ACAP3: variants seen among roughly 807,000 people sequenced by gnomAD.
ACAP3 encodes the protein ArfGAP with coiled-coil, ankyrin repeat and PH domains 3.
A neutral mutation model predicts 104.1 loss-of-function variants in ACAP3; 56 were observed. The ratio of observed to expected loss-of-function variants is 0.54; its 90% CI spans 0.43 to 0.67. The LOEUF (loss-of-function observed/expected upper bound fraction) is 0.67. ACAP3 is among the 30% of genes least tolerant of loss of function. The pLI, the probability that ACAP3 is intolerant of heterozygous loss-of-function variation, is 0.00. For missense variants in ACAP3, 1,208 were observed against 1,174.9 expected (o/e 1.03, Z -0.41); for synonymous variants, 628 against 496.2 (o/e 1.27, Z -3.53).
In ACAP3 at chr1:1,296,482, C is replaced by CG; in HGVS notation, c.1279dup (p.Arg427ProfsTer14). On this transcript the variant is annotated frameshift_variant, in exon 15 of 24. Transcript: ENST00000354700. LOFTEE classifies it high-confidence loss of function. ...CACGCCCAGGTTGATGCTGGCCCAG[C>CG]GGGGGTCCGGCTGGCCGCAGTCGCC... is the stretch of plus-strand genomic sequence containing the variant. 6.5e-7 allele frequency: 1 copy of CG among 1,544,326 alleles called. No individual in the cohort carries two copies. The highest frequency in any genetic ancestry group is 8.7e-7 in the Non-Finnish European group (1 of 1,147,074).
Position 1,294,398 on chromosome 1 carries a change from T to C in ACAP3, c.2139+4A>G. 1 of 1,571,846 alleles carries C rather than the reference T, an allele frequency of 6.4e-7. No individual in the cohort carries two copies. The highest frequency in any genetic ancestry group is 1.8e-5 in the Admixed American group (1 of 56,304). On this transcript the variant is annotated splice_donor_region_variant and intron_variant, in intron 21 of 23. Transcript: ENST00000354700. ...CCTGCGCGCAGCCCCCGTGGCTCGCTCACCCCTAGCACGGCCTGCACCAGC... is the reference window on the plus strand; with the variant it reads ...CCTGCGCGCAGCCCCCGTGGCTCGCCCACCCCTAGCACGGCCTGCACCAGC...
At chr1:1,293,798 G>GC in intron 23 of ACAP3, 25 bp downstream of exon 23, 1 of 358,274 alleles carries the variant, frequency 2.8e-6, no homozygotes, top group East Asian at 9.8e-5. Context: ...GCCCCGCCCA[G>GC]CCCCGAGGGC....
chr1:1,296,132 G>C (rs764453255), intron 16 of ACAP3, 23 bp from the exon 17 acceptor site: 10 of 1,612,168 alleles, frequency 6.2e-6, no homozygotes, highest in African/African-American at 1.3e-5. Flanking sequence ...AGGGCGAGCA[G>C]GCATCAGTGC....
intron 10 of ACAP3, chr1:1,299,069 T>C (rs1207602611): frequency 1.7e-5 from 10 of 571,898 alleles, no homozygotes; most frequent in Admixed American, 1.4e-4. Context: ...GAGGGCCCTG[T>C]GTGTCCCGCC....
intron 10 of ACAP3, 138 bp downstream of exon 10, chr1:1,299,207 A>G: frequency 8.6e-7 from 1 of 1,166,170 alleles, no homozygotes; most frequent in Non-Finnish European, 1.2e-6. Flanking sequence ...AGCCCCTCAC[A>G]GCCGCATCAG....
intron 1 of ACAP3, 110 bp downstream of exon 1, chr1:1,307,659 C>G: frequency 1.0e-6 from 1 of 1,000,752 alleles, no homozygotes; most frequent in Non-Finnish European, 1.2e-6. Flanking sequence ...CAGCCCCTCC[C>G]CGGCGGCCGC....
rs1042801575 is a variant in ACAP3 at position 1,307,072 on chromosome 1, T to G, written c.47+697A>C. 6.0e-6 allele frequency: 5 copies of G among 839,806 alleles called. No individual in the cohort carries two copies. In the Admixed American group the frequency reaches 7.0e-5, roughly 12 times the overall value. 52.0% of individuals were successfully genotyped at this position (839,806 alleles called of 1,614,324 possible). The stretch of plus-strand genomic sequence containing the variant: ...GAGGGGGCCTCACGCAGGTGCGCAC[T>G]TGGGGATGCAGAGAGGTTTCTTTGC... On this transcript the variant is annotated intron_variant, in intron 1 of 23. Transcript: ENST00000354700.
At chr1:1,299,085 G>A (rs1641327330) in intron 10 of ACAP3, 6 of 575,660 alleles carry the variant, frequency 1.0e-5, no homozygotes, top group Non-Finnish European at 1.9e-5. Context: ...CCGCCATCTG[G>A]CAGGCCAGGG....
chr1:1,303,913 CAT>C lies in ACAP3; in HGVS notation c.105+171_105+172del. On this transcript the variant is annotated intron_variant, in intron 2 of 23. Transcript: ENST00000354700. The surrounding 1 kb of genome is among the most constrained non-coding windows in gnomAD (Gnocchi z 4.0). ...GGGCCAGCCACATGTGTGCATGTGA[CAT>C]GTGCACCCTGGAACACACATGCTAA... 3.9e-6 allele frequency: 3 copies of C among 771,782 alleles called. No homozygotes were observed. Among genetic ancestry groups the C allele is most frequent in the Admixed American group, 2.5e-5 (1 of 40,762 alleles). 47.8% of individuals were successfully genotyped at this position (771,782 alleles called of 1,614,324 possible).
intron 5 of ACAP3, 68 bp downstream of exon 5, chr1:1,301,920 A>C (rs1253370158): frequency 7.0e-7 from 1 of 1,428,556 alleles, no homozygotes; most frequent in Admixed American, 2.4e-5. Flanking sequence ...TCTGCCCCAG[A>C]CCCCCTTCCC....
At position 1,303,198 on chromosome 1, in the gene ACAP3, G is replaced by A. The variant is rs1641528174; in HGVS notation, c.189C>T (p.Asp63=). ...TSRLFVSGVR[D]LSQQCQGDTV... is the part of the protein sequence containing the mutation. ...TGTCGCCCTGGCACTGCTGGGACAGGTCGCGGACGCCGCTCACGAAAAGCC... is the reference window on the plus strand; with the variant it reads ...TGTCGCCCTGGCACTGCTGGGACAGATCGCGGACGCCGCTCACGAAAAGCC... The change falls in exon 3 of 24, where the codon GAC becomes GAT. Residue 63 remains aspartate, a synonymous_variant. Coordinates refer to ENST00000354700, the MANE Select transcript of ACAP3 (RefSeq NM_030649.3). The surrounding 1 kb of genome is among the most constrained non-coding windows in gnomAD (Gnocchi z 4.0). 6.2e-7 allele frequency: 1 copy of A among 1,606,912 alleles called. No individual in the cohort carries two copies. The highest frequency in any genetic ancestry group is 8.5e-7 in the Non-Finnish European group (1 of 1,177,596).
At chr1:1,295,673 T>TG in intron 18 of ACAP3, 63 bp downstream of exon 18, 1 of 1,554,272 alleles carries the variant, frequency 6.4e-7, no homozygotes, top group Non-Finnish European at 8.7e-7. Flanking sequence ...ACCAGCCCCT[T>TG]GACGGAGTCC....
chr1:1,299,929 G>C, intron 8 of ACAP3, 24 bp from the exon 9 acceptor site: 1 of 1,594,190 alleles, frequency 6.3e-7, no homozygotes, highest in Non-Finnish European at 8.6e-7. Context: ...CATTAGGGAA[G>C]GTCACGGAGG....
rs758488003 is a variant in ACAP3 at position 1,296,301 on chromosome 1, T to C, written c.1338-21A>G. On this transcript the variant is annotated intron_variant, in intron 15 of 23. Transcript: ENST00000354700. Reference sequence around the variant, plus strand: ...GGCTCCTGGAGAGCAGAGGTAGGGATGAGTCTGGGGGAGGCAAGGCCCCCA... The same window carrying C: ...GGCTCCTGGAGAGCAGAGGTAGGGACGAGTCTGGGGGAGGCAAGGCCCCCA... 45 of 1,552,686 alleles carry C rather than the reference T, an allele frequency of 2.9e-5. No individual in the cohort carries two copies. The Admixed American group carries it at 8.2e-4, about 28-fold the overall frequency.
In ACAP3 at chr1:1,294,833, A is replaced by G; in HGVS notation, c.1814-17T>C. The G allele has an allele frequency of 2.6e-6, 4 of 1,548,888 alleles. No individual in the cohort carries two copies. Among genetic ancestry groups the G allele is most frequent in the Non-Finnish European group, 3.5e-6 (4 of 1,146,064 alleles). On this transcript the variant is annotated splice_polypyrimidine_tract_variant and intron_variant, in intron 19 of 23. Transcript: ENST00000354700. ...TACTCAGACCTGCAGGTCCGCAGGG[A>G]AGGGGGTCCTGAGGGTGGGAGGCCC...
At position 1,303,044 on chromosome 1, in the gene ACAP3, T is replaced by TGAGCCCCTG. The variant is rs1490526844; in HGVS notation, c.226-78_226-70dup. 6.4e-7 allele frequency: 1 copy of TGAGCCCCTG among 1,564,636 alleles called. No individual in the cohort carries two copies. Among genetic ancestry groups the TGAGCCCCTG allele is most frequent in the African/African-American group, 1.4e-5 (1 of 73,598 alleles). ...GCCCAGGTCACCCAGCCACGCCCTCTGAGCCCCTGGGCGGTGCAGACACCG... is the reference window on the plus strand; with the variant it reads ...GCCCAGGTCACCCAGCCACGCCCTCTGAGCCCCTGGAGCCCCTGGGCGGTGCAGACACCG... On this transcript the variant is annotated intron_variant, in intron 3 of 23. Transcript: ENST00000354700. This position sits in a 1 kb window ranked among gnomAD's most constrained non-coding sequence, Gnocchi z 4.0.
chr1:1,302,998 G>C (rs770487671), intron 3 of ACAP3, 23 bp from the exon 4 acceptor site: 3 of 1,602,914 alleles, frequency 1.9e-6, no homozygotes, highest in South Asian at 1.1e-5. Context: ...ATGGGAACCC[G>C]TGCTGAGATG....
In ACAP3 at chr1:1,295,521, G is replaced by A; in HGVS notation, c.1739C>T (p.Ser580Phe). Residue 580 changes from serine (S) to phenylalanine (F), a missense_variant, in exon 19 of 24, where the codon TCC becomes TTC. Transcript: ENST00000354700. ...GTLDRKFRRDSLFCPDELDSL... is the reference protein window; with the variant it reads ...GTLDRKFRRDFLFCPDELDSL... Reference sequence around the variant, plus strand: ...GTCCAGCTCGTCGGGACAGAAGAGGGAGTCTCGGCGGAACTTACGATCCAG... The same window carrying A: ...GTCCAGCTCGTCGGGACAGAAGAGGAAGTCTCGGCGGAACTTACGATCCAG... The A allele has an allele frequency of 6.2e-7, 1 of 1,612,692 alleles. No homozygotes were observed. The highest frequency in any genetic ancestry group is 1.1e-5 in the South Asian group (1 of 91,086).
At chr1:1,307,364 C>G in intron 1 of ACAP3, 1 of 1,290,092 alleles carries the variant, frequency 7.8e-7, no homozygotes, top group South Asian at 1.2e-5. Flanking sequence ...GCTCCAGCTG[C>G]CTGTTCCCCA....
Sources: allele counts gnomAD v4.1 joint callset, GRCh38; gene constraint gnomAD v4.1.1; non-coding constraint Gnocchi (gnomAD v3.1); transcripts MANE v1.5; gene names NCBI Gene and HGNC (gene_info 2026-07-23, HGNC 2026-07-21).